Variants in OAS2 observed in about 807,000 individuals in gnomAD.
The protein encoded by OAS2 is 2'-5'-oligoadenylate synthase 2.
In OAS2, 67 loss-of-function variants were observed where a neutral mutation model predicts 71.3. The observed-to-expected ratio is 0.94, with a 90% confidence interval of 0.77 to 1.15. OAS2 has a LOEUF of 1.15. Among genes scored for constraint, OAS2 ranks in the 50% most tolerant of loss-of-function variants. The probability of loss-of-function intolerance (pLI) is 0.00; values close to 1 mark genes in which losing one functional copy is unlikely to be tolerated. For synonymous variants in OAS2, 327 were observed against 321.8 expected (o/e 1.02, Z -0.17); for missense variants, 789 against 822.5 (o/e 0.96, Z 0.50).
intron 7 of OAS2, 31 bp downstream of exon 7, chr12:113,005,253 G>A (rs1444568728): frequency 6.3e-6 from 10 of 1,592,244 alleles, no homozygotes; most frequent in Non-Finnish European, 8.6e-6. Context: ...GCTTGGAAGT[G>A]ATGGTGGACA....
intron 6 of OAS2, 53 bp downstream of exon 6, chr12:113,003,155 C>A: frequency 1.9e-6 from 3 of 1,578,530 alleles, no homozygotes; most frequent in South Asian, 1.1e-5. Context: ...ATTGGGCATT[C>A]CTGGAAGGGA....
chr12:112,982,350 T>C (rs1378394338), intron 1 of OAS2, among the ~76,000 whole-genome samples: 3 of 152,230 alleles, frequency 2.0e-5, no homozygotes, highest in East Asian at 1.9e-4. Context: ...GTTCCTTACA[T>C]GCCTAATTTG....
chr12:112,990,696 A>AT (rs2044183502), intron 2 of OAS2, among the ~76,000 whole-genome samples: 1 of 152,176 alleles, frequency 6.6e-6, no homozygotes. Flanking sequence ...AATACTTTTG[A>AT]TTTCCTTTAG....
intron 3 of OAS2, 119 bp downstream of exon 3, chr12:112,995,593 C>A: frequency 1.1e-6 from 1 of 916,908 alleles, no homozygotes; most frequent in Non-Finnish European, 1.6e-6. Context: ...TACAATCTTA[C>A]CAGCAACACC....
At position 113,010,389 on chromosome 12, in the gene OAS2, G is replaced by A; in HGVS notation, c.*1134G>A. On this transcript the variant is annotated 3_prime_UTR_variant, in exon 10 of 10. Transcript: ENST00000392583. ...TTCTTTTTAGACAATGCAGACACCA[G>A]GAAGTTGTGGAGCTAGGATCCATCC... is the stretch of plus-strand genomic sequence containing the variant. 1 of 1,613,606 alleles carries A rather than the reference G, an allele frequency of 6.2e-7. No individual in the cohort carries two copies. The highest frequency in any genetic ancestry group is 1.7e-4 in the Middle Eastern group (1 of 6,060).
rs1296372 is a variant in OAS2, at chr12:112,989,821, T to C, written c.448+2513T>C. ...AGAGGTCCATTCAGATGACTGGGGG[T>C]GCTTAGAATTTTGTTTTTGGTTTAT... On this transcript the variant is annotated intron_variant, in intron 2 of 9. Coordinates refer to ENST00000392583, the MANE Select transcript of OAS2 (RefSeq NM_002535.3). Among the ~76,000 whole-genome samples the C allele has an allele frequency of 1.3e-4, 20 of 152,056 alleles. No individual in the cohort carries two copies. In the East Asian group the frequency reaches 1.7e-3, roughly 13 times the overall value.
At chr12:113,000,129 C>A (rs1401855818) in intron 5 of OAS2, among the ~76,000 whole-genome samples, 1 of 152,152 alleles carries the variant, frequency 6.6e-6, no homozygotes, top group Admixed American at 6.5e-5. Context: ...TCATAGGGAT[C>A]TCTGAGAACA....
At position 112,986,846 on chromosome 12, in the gene OAS2, C is replaced by T. The variant is rs149765594; in HGVS notation, c.178-192C>T. 8.5e-5 allele frequency among the ~76,000 whole-genome samples: 13 copies of T among 152,296 alleles called. No individual in the cohort carries two copies. In the East Asian group the frequency reaches 2.5e-3, roughly 29 times the overall value. ...TTGCCAGCGGCCATTTGAGTCACCTCCAGGTTGGGGCTAGTATGAAAAGTG... is the reference window on the plus strand; with the variant it reads ...TTGCCAGCGGCCATTTGAGTCACCTTCAGGTTGGGGCTAGTATGAAAAGTG... On this transcript the variant is annotated intron_variant, in intron 1 of 9. Coordinates refer to ENST00000392583, the MANE Select transcript of OAS2 (RefSeq NM_002535.3).
chr12:112,986,843 C>T (rs2044141785), intron 1 of OAS2, among the ~76,000 whole-genome samples, 195 bp from the exon 2 acceptor site: 1 of 152,208 alleles, frequency 6.6e-6, no homozygotes, highest in South Asian at 2.1e-4. Context: ...ATTTGAGTCA[C>T]CTCCAGGTTG....
chr12:113,000,706 A>G (rs998591087), intron 5 of OAS2, among the ~76,000 whole-genome samples: 1 of 148,890 alleles, frequency 6.7e-6, no homozygotes, highest in African/African-American at 2.5e-5. Context: ...ATGCATGCAC[A>G]CCATGCACAC....
rs2044370102 is a variant in OAS2 at position 113,010,400 on chromosome 12, A to T, written c.*1145A>T. On this transcript the variant is annotated 3_prime_UTR_variant, in exon 10 of 10. Coordinates refer to ENST00000392583, the MANE Select transcript of OAS2 (RefSeq NM_002535.3). ...CAATGCAGACACCAGGAAGTTGTGGAGCTAGGATCCATCCTATTGTCAATG... is the reference window on the plus strand; with the variant it reads ...CAATGCAGACACCAGGAAGTTGTGGTGCTAGGATCCATCCTATTGTCAATG... 3 of 1,613,942 alleles carry T rather than the reference A, an allele frequency of 1.9e-6. No homozygotes were observed. The highest frequency in any genetic ancestry group is 1.7e-6 in the Non-Finnish European group (2 of 1,179,924).
chr12:113,007,223 G>T (rs1459090487), intron 8 of OAS2, among the ~76,000 whole-genome samples: 2 of 152,142 alleles, frequency 1.3e-5, no homozygotes, highest in Admixed American at 1.3e-4. Flanking sequence ...TCCTTTCTGT[G>T]TCCAGCTCCC....
At chr12:113,002,081 G>T (rs1263729363) in intron 5 of OAS2, among the ~76,000 whole-genome samples, 3 of 152,046 alleles carry the variant, frequency 2.0e-5, no homozygotes, top group African/African-American at 7.2e-5. Flanking sequence ...TACCTGTTGG[G>T]TTCTATGCTC....
At chr12:112,989,931 G>A (rs1464510859) in intron 2 of OAS2, among the ~76,000 whole-genome samples, 1 of 152,066 alleles carries the variant, frequency 6.6e-6, no homozygotes, top group African/African-American at 2.4e-5. Context: ...TGCCTAACTT[G>A]CTCCTAAATC....
intron 9 of OAS2, 80 bp downstream of exon 9, chr12:113,008,023 G>A (rs552655498): frequency 2.0e-6 from 2 of 1,007,836 alleles, no homozygotes; most frequent in South Asian, 2.8e-5. Flanking sequence ...TTCCTCTGCT[G>A]GGGTCACGAT....
Position 113,010,196 on chromosome 12 carries a change from C to A in OAS2, c.*941C>A, listed in dbSNP as rs140763476. On this transcript the variant is annotated 3_prime_UTR_variant, in exon 10 of 10. Coordinates refer to ENST00000392583, the MANE Select transcript of OAS2 (RefSeq NM_002535.3). The stretch of plus-strand genomic sequence containing the variant: ...GGAATGTAGGGAAGAGGTGGCCAAG[C>A]CAACCGTGGGGTTAGCTCTAATTAT... The A allele has an allele frequency of 7.1e-4, 966 of 1,357,800 alleles. 9 individuals are homozygous for A. In the African/African-American group the frequency reaches 0.013, roughly 18 times the overall value. 84.1% of individuals were successfully genotyped at this position (1,357,800 alleles called of 1,614,324 possible). A position where few individuals can be genotyped will look rare whatever the true frequency, so the allele number is the denominator to read the frequency against.
chr12:112,996,487 G>A (rs1016287224), intron 3 of OAS2, among the ~76,000 whole-genome samples: 1 of 152,044 alleles, frequency 6.6e-6, no homozygotes. Flanking sequence ...TCAGCAAGAT[G>A]TGAGTTTCAG....
intron 2 of OAS2, among the ~76,000 whole-genome samples, chr12:112,989,859 G>A (rs1486156429): frequency 1.3e-5 from 2 of 152,138 alleles, no homozygotes; most frequent in Non-Finnish European, 2.9e-5. Flanking sequence ...ACCTAAGCCA[G>A]GATTGTATCT....
intron 5 of OAS2, among the ~76,000 whole-genome samples, chr12:113,000,125 G>A (rs1303649366): frequency 2.6e-5 from 4 of 152,056 alleles, no homozygotes; most frequent in Admixed American, 1.3e-4. Context: ...GCTTTCATAG[G>A]GATCTCTGAG....
Sources: gnomAD v4.1 joint callset for allele counts (sites outside exome capture counted in the v4.1 genomes callset) on GRCh38, gnomAD v4.1.1 for gene constraint, MANE v1.5 for transcripts, NCBI Gene and HGNC (gene_info 2026-07-23, HGNC 2026-07-21) for gene names.